Variants in ATP8B1 observed in about 807,000 individuals in gnomAD.
The protein encoded by ATP8B1 is phospholipid-transporting ATPase IC.
In ATP8B1, 80 loss-of-function variants were observed where a neutral mutation model predicts 149.9. That is an observed-to-expected ratio of 0.53 (90% CI 0.45 to 0.64). ATP8B1 has a LOEUF of 0.64. ATP8B1 is among the 30% of genes least tolerant of loss of function. The probability of loss-of-function intolerance (pLI) is 0.00; values close to 1 mark genes in which losing one functional copy is unlikely to be tolerated. For missense variants in ATP8B1, 1,247 were observed against 1,552.6 expected, an observed-to-expected ratio of 0.80 and a Z score of 3.31; for synonymous variants, 536 against 562.8, an observed-to-expected ratio of 0.95 and a Z score of 0.67.
At chr18:57,666,864 C>G (rs1247301974) in intron 20 of ATP8B1, among the ~76,000 whole-genome samples, 2 of 152,130 alleles carry the variant, frequency 1.3e-5, no homozygotes, top group African/African-American at 4.8e-5. Flanking sequence ...AGAAAAATGG[C>G]CTCTGAAGGG....
chr18:57,651,291 A>G (rs1314808718), intron 26 of ATP8B1, among the ~76,000 whole-genome samples: 1 of 152,108 alleles, frequency 6.6e-6, no homozygotes, highest in Non-Finnish European at 1.5e-5. Context: ...TTTTTTGTAG[A>G]GATGGGGTTT....
chr18:57,691,707 G>T, intron 12 of ATP8B1, 100 bp downstream of exon 12: 2 of 1,417,338 alleles, frequency 1.4e-6, no homozygotes, highest in Non-Finnish European at 1.9e-6. Flanking sequence ...CCTGTTCTTT[G>T]TGACCTTTGA....
chr18:57,773,192 ACTC>A (rs2080277916), intron 1 of ATP8B1, among the ~76,000 whole-genome samples: 1 of 98,224 alleles, frequency 1.0e-5, no homozygotes, highest in Non-Finnish European at 1.9e-5. Context: ...ACAGAGCGAG[ACTC>A]TGTCTTAAAA....
chr18:57,672,958 C>T (rs1252546681), intron 16 of ATP8B1, among the ~76,000 whole-genome samples: 2 of 37,658 alleles, frequency 5.3e-5, no homozygotes, highest in African/African-American at 9.9e-5. Flanking sequence ...TATATACATA[C>T]ATATATCTAC....
chr18:57,674,541 C>T (rs565109857), intron 16 of ATP8B1, among the ~76,000 whole-genome samples: 1 of 151,866 alleles, frequency 6.6e-6, no homozygotes, highest in African/African-American at 2.4e-5. Context: ...CCAGCCACCA[C>T]GCCCGGCTAA....
chr18:57,722,031 G>T (rs1284131233), intron 2 of ATP8B1, among the ~76,000 whole-genome samples: 1 of 134,440 alleles, frequency 7.4e-6, no homozygotes, highest in Non-Finnish European at 1.6e-5. Flanking sequence ...CAGAAATAAA[G>T]ATGTTCTTTG....
Position 57,688,473 on chromosome 18 carries a change from T to G in ATP8B1, c.1255A>C (p.Ile419Leu). The change falls in exon 13 of 28, where the codon ATC becomes CTC. Residue 419 changes from isoleucine to leucine, a missense_variant. Coordinates refer to ENST00000648908, the MANE Select transcript of ATP8B1 (RefSeq NM_001374385.1). ...EVIRLGQSHF[I>L]NWDLQMYYAE... ...TAGTACATTTGCAGGTCCCAGTTGA[T>G]GAAGTGACTCTGTCCAAGACGAATC... The G allele has an allele frequency of 1.9e-6, 3 of 1,614,206 alleles. No individual in the cohort carries two copies. The highest frequency in any genetic ancestry group is 1.7e-6 in the Non-Finnish European group (2 of 1,180,042).
intron 13 of ATP8B1, among the ~76,000 whole-genome samples, chr18:57,687,623 G>A (rs1195534783): frequency 1.3e-5 from 2 of 152,064 alleles, no homozygotes; most frequent in Non-Finnish European, 2.9e-5. Context: ...ATCCATTGAT[G>A]AACGCTTGGG....
chr18:57,793,419 TC>T (rs940535321), intron 1 of ATP8B1, among the ~76,000 whole-genome samples: 2 of 151,962 alleles, frequency 1.3e-5, no homozygotes, highest in African/African-American at 4.8e-5. Flanking sequence ...TGGCTTTGCC[TC>T]CTGCTTGAAC....
At chr18:57,682,691 C>T (rs912727522) in intron 15 of ATP8B1, among the ~76,000 whole-genome samples, 2 of 152,140 alleles carry the variant, frequency 1.3e-5, no homozygotes, top group African/African-American at 4.8e-5. Flanking sequence ...TATCCTTCCC[C>T]ACATCATCTG....
chr18:57,761,102 TAAAATAAAATATAAAATAAAATAAA>T (rs2080151350), intron 1 of ATP8B1, among the ~76,000 whole-genome samples: 1 of 100,522 alleles, frequency 9.9e-6, no homozygotes, highest in Non-Finnish European at 2.1e-5. Flanking sequence ...AAATAAAAAA[TAAAATAAAATATAAAATAAAATAAA>T]ATAAAATAAA....
intron 1 of ATP8B1, among the ~76,000 whole-genome samples, chr18:57,761,841 T>C (rs1022655630): frequency 6.7e-6 from 1 of 149,000 alleles, no homozygotes; most frequent in African/African-American, 2.5e-5. Context: ...TCCAAGCTGC[T>C]CGGGAGGCTG....
chr18:57,684,106 T>C lies in ATP8B1; in HGVS notation c.1560A>G (p.Lys520=), dbSNP rs1015989471. ...HYLIEQIQSG[K]EPEVRQFFFL... ...AGAAGAACTGTCGTACTTCTGGCTCTTTCCCTGACTGGATTTGCTCAATAA... is the reference window on the plus strand; with the variant it reads ...AGAAGAACTGTCGTACTTCTGGCTCCTTCCCTGACTGGATTTGCTCAATAA... Residue 520 remains lysine (K), a synonymous_variant, in exon 15 of 28, where the codon AAA becomes AAG. Coordinates refer to ENST00000648908, the MANE Select transcript of ATP8B1 (RefSeq NM_001374385.1). 1 of 1,614,080 alleles carries C rather than the reference T, an allele frequency of 6.2e-7. No homozygotes were observed. Among genetic ancestry groups the C allele is most frequent in the South Asian group, 1.1e-5 (1 of 91,088 alleles).
At chr18:57,760,859 C>T (rs1000468522) in intron 1 of ATP8B1, among the ~76,000 whole-genome samples, 6 of 151,624 alleles carry the variant, frequency 4.0e-5, no homozygotes, top group Admixed American at 2.6e-4. Context: ...CATGATGGCG[C>T]GCACCTGTAG....
intron 1 of ATP8B1, among the ~76,000 whole-genome samples, chr18:57,759,080 C>T (rs9965849): frequency 0.46 from 66,623 of 144,954 alleles, 15,186 homozygotes; most frequent in Middle Eastern, 0.56. Flanking sequence ...CGCTTGAACC[C>T]GGGAGGTGGA....
chr18:57,653,673 CTCTTT>C lies in ATP8B1; in HGVS notation c.3015+314_3015+318del, dbSNP rs369204496. 4.0e-3 allele frequency among the ~76,000 whole-genome samples: 515 copies of C among 130,000 alleles called. 5 individuals are homozygous for C. Among genetic ancestry groups the C allele is most frequent in the African/African-American group, 0.013 (486 of 36,938 alleles). 85.3% of individuals were successfully genotyped at this position (130,000 alleles called of 152,430 possible). A position where few individuals can be genotyped will look rare whatever the true frequency, so the allele number is the denominator to read the frequency against. On this transcript the variant is annotated intron_variant, in intron 24 of 27. Transcript: ENST00000648908. ...TGAATTCAACCCAGTCACAGAAATC[CTCTTT>C]TCTCTTTTTTTTTTTTTTTTTTTTT...
intron 1 of ATP8B1, among the ~76,000 whole-genome samples, chr18:57,798,704 G>T (rs566875585): frequency 2.6e-5 from 4 of 152,180 alleles, no homozygotes; most frequent in Admixed American, 6.5e-5. Context: ...AGCATTCCAC[G>T]GGCTTCTACT....
chr18:57,742,009 A>G (rs2079918947), intron 1 of ATP8B1, among the ~76,000 whole-genome samples: 2 of 152,128 alleles, frequency 1.3e-5, no homozygotes, highest in Non-Finnish European at 2.9e-5. Context: ...AGCTGGGACT[A>G]CAAGTGCATG....
chr18:57,678,630 G>A (rs1196623386), intron 15 of ATP8B1, among the ~76,000 whole-genome samples: 1 of 116,300 alleles, frequency 8.6e-6, no homozygotes, highest in African/African-American at 2.9e-5. Flanking sequence ...TGGTGTTGAT[G>A]GTATAGTGGT....
Sources: allele counts gnomAD v4.1 joint callset (sites outside exome capture counted in the v4.1 genomes callset), GRCh38; gene constraint gnomAD v4.1.1; transcripts MANE v1.5; gene names NCBI Gene and HGNC (gene_info 2026-07-23, HGNC 2026-07-21).